MGAT4C: variants seen among roughly 807,000 people sequenced by gnomAD.
The protein encoded by MGAT4C is alpha-1,3-mannosyl-glycoprotein 4-beta-N-acetylglucosaminyltransferase C.
A neutral mutation model predicts 40.1 loss-of-function variants in MGAT4C; 19 were observed. The observed-to-expected ratio is 0.47, with a 90% confidence interval of 0.33 to 0.70. The LOEUF is 0.70. MGAT4C is among the 30% of genes least tolerant of loss of function. The probability of loss-of-function intolerance (pLI) is 0.02; values close to 1 mark genes in which losing one functional copy is unlikely to be tolerated. For synonymous variants in MGAT4C, 181 were observed against 187.1 expected, an observed-to-expected ratio of 0.97 and a Z score of 0.27; for missense variants, 491 against 563.2, an observed-to-expected ratio of 0.87 and a Z score of 1.30.
chr12:86,658,142 A>G (rs1001146503), intron 2 of MGAT4C, among the ~76,000 whole-genome samples: 6 of 152,158 alleles, frequency 3.9e-5, no homozygotes, highest in African/African-American at 1.4e-4. Flanking sequence ...ACTTTTATGA[A>G]GGCATTTATA....
At chr12:86,088,669 C>T (rs1029932008) in intron 1 of MGAT4C, among the ~76,000 whole-genome samples, 1 of 151,830 alleles carries the variant, frequency 6.6e-6, no homozygotes, top group Non-Finnish European at 1.5e-5. Flanking sequence ...AAAATCAAAA[C>T]GGCAATGGGA....
At chr12:86,472,024 C>T (rs577855627) in intron 2 of MGAT4C, among the ~76,000 whole-genome samples, 5 of 152,008 alleles carry the variant, frequency 3.3e-5, no homozygotes, top group Non-Finnish European at 4.4e-5. Context: ...CTGCATATGG[C>T]AAAGTATTTT....
chr12:86,256,172 ATAT>A (rs1329125317), intron 1 of MGAT4C, 64 bp downstream of exon 1: 54 of 152,050 alleles, frequency 3.6e-4, no homozygotes, highest in African/African-American at 1.1e-3. Flanking sequence ...GACCCTTATA[ATAT>A]TTTCTCTGTA....
intron 2 of MGAT4C, among the ~76,000 whole-genome samples, chr12:86,496,134 G>A (rs1958230295): frequency 6.6e-6 from 1 of 151,920 alleles, no homozygotes; most frequent in African/African-American, 2.4e-5. Flanking sequence ...GCAGGACCTA[G>A]ATAATTGTTC....
At position 86,329,281 on chromosome 12, in the gene MGAT4C, C is replaced by T. The variant is rs549088787; in HGVS notation, c.-57+4784G>A. Among the ~76,000 whole-genome samples, 306 of 151,890 alleles carry T rather than the reference C, an allele frequency of 2.0e-3. 1 individual carries two copies. Among genetic ancestry groups the T allele is most frequent in the African/African-American group, 6.8e-3 (283 of 41,412 alleles). On this transcript the variant is annotated intron_variant, in intron 4 of 7. Coordinates refer to the MGAT4C transcript ENST00000548651. ...AAATTTGGCCGGGCGTGGTGGCTCA[C>T]GCCTGTAATCCCAGCACTTTGGGAT...
intron 2 of MGAT4C, among the ~76,000 whole-genome samples, chr12:86,021,180 C>CGATT (rs1462425497): frequency 6.6e-6 from 1 of 152,066 alleles, no homozygotes; most frequent in Non-Finnish European, 1.5e-5. Context: ...GTCAGTGTGG[C>CGATT]GATTCCTCAG....
intron 1 of MGAT4C, among the ~76,000 whole-genome samples, chr12:86,236,346 C>T (rs562165998): frequency 5.9e-4 from 89 of 152,048 alleles, no homozygotes; most frequent in African/African-American, 1.8e-3. Context: ...GTAGCAGCTC[C>T]GCAAAAGATA....
At chr12:86,075,290 A>G (rs1427054133) in intron 1 of MGAT4C, among the ~76,000 whole-genome samples, 3 of 151,964 alleles carry the variant, frequency 2.0e-5, no homozygotes, top group African/African-American at 7.2e-5. Context: ...AAAGTCCCAA[A>G]ATGATCTCTC....
intron 2 of MGAT4C, among the ~76,000 whole-genome samples, chr12:86,715,727 T>C (rs1408320171): frequency 6.6e-6 from 1 of 152,186 alleles, no homozygotes; most frequent in African/African-American, 2.4e-5. Flanking sequence ...TTTTACTCTG[T>C]CACTATAATA....
intron 4 of MGAT4C, among the ~76,000 whole-genome samples, chr12:86,311,534 A>G (rs780590224): frequency 4.6e-5 from 7 of 152,004 alleles, no homozygotes; most frequent in Non-Finnish European, 8.8e-5. Context: ...GTTGTCATCT[A>G]TTTTCTGAGA....
chr12:86,220,236 C>T (rs964991062), intron 1 of MGAT4C, among the ~76,000 whole-genome samples: 1 of 151,986 alleles, frequency 6.6e-6, no homozygotes, highest in Non-Finnish European at 1.5e-5. Context: ...GCAGCTTTCC[C>T]AAGATCATGG....
chr12:86,464,460 T>C (rs1379566287), intron 2 of MGAT4C, among the ~76,000 whole-genome samples: 3 of 152,160 alleles, frequency 2.0e-5, no homozygotes, highest in Admixed American at 6.5e-5. Context: ...CTGCTTATAT[T>C]TGATTGTAAC....
intron 3 of MGAT4C, among the ~76,000 whole-genome samples, chr12:86,366,210 T>C (rs550026042): frequency 1.3e-5 from 2 of 152,194 alleles, no homozygotes; most frequent in Non-Finnish European, 2.9e-5. Context: ...TACTGGTGTA[T>C]AGAAATGTTA....
In MGAT4C at chr12:86,126,942, A is replaced by G. The variant is rs1880373717; in HGVS notation, c.-56-77219T>C. On this transcript the variant is annotated intron_variant, in intron 1 of 4. Transcript: ENST00000611864. ...TCAGGATGAAACTGTTCCACCTCAGATTATCAGGCATTAAGTAGATTCTTA... is the reference window on the plus strand; with the variant it reads ...TCAGGATGAAACTGTTCCACCTCAGGTTATCAGGCATTAAGTAGATTCTTA... Among the ~76,000 whole-genome samples the G allele has an allele frequency of 2.0e-5, 3 of 152,158 alleles. No homozygotes were observed. The South Asian group carries it at 6.2e-4, about 31-fold the overall frequency.
intron 3 of MGAT4C, among the ~76,000 whole-genome samples, chr12:86,377,989 C>T (rs920484619): frequency 6.6e-6 from 1 of 152,148 alleles, no homozygotes; most frequent in African/African-American, 2.4e-5. Flanking sequence ...GTTTATTTCA[C>T]ATTGCATAAT....
intron 1 of MGAT4C, among the ~76,000 whole-genome samples, chr12:86,116,104 T>A (rs1878369456): frequency 6.6e-6 from 1 of 151,604 alleles, no homozygotes; most frequent in Non-Finnish European, 1.5e-5. Flanking sequence ...GCATAAAGGC[T>A]GCTCTGGCCC....
intron 3 of MGAT4C, among the ~76,000 whole-genome samples, chr12:86,374,997 C>A (rs1955797984): frequency 6.6e-6 from 1 of 152,024 alleles, no homozygotes; most frequent in Non-Finnish European, 1.5e-5. Flanking sequence ...GAATGGTAAT[C>A]CACTTCTTTT....
intron 1 of MGAT4C, among the ~76,000 whole-genome samples, chr12:86,826,413 A>G (rs1287401352): frequency 1.3e-5 from 2 of 151,424 alleles, no homozygotes; most frequent in Non-Finnish European, 3.0e-5. Context: ...AGTCTAGTGT[A>G]GGTGTTGACC....
chr12:86,718,853 AC>A (rs1014016808), intron 2 of MGAT4C, among the ~76,000 whole-genome samples: 8 of 150,562 alleles, frequency 5.3e-5, no homozygotes, highest in African/African-American at 2.0e-4. Flanking sequence ...AAACCATCCC[AC>A]CCCCTCCATG....
Sources: allele counts gnomAD v4.1 joint callset (sites outside exome capture counted in the v4.1 genomes callset), GRCh38; gene constraint gnomAD v4.1.1; transcripts MANE v1.5; gene names NCBI Gene and HGNC (gene_info 2026-07-23, HGNC 2026-07-21).